ASH1L: variants seen among roughly 807,000 people sequenced by gnomAD.
The protein encoded by ASH1L is ASH1 like histone lysine methyltransferase.
A neutral mutation model predicts 269.0 loss-of-function variants in ASH1L; 23 were observed. That is an observed-to-expected ratio of 0.09 (90% CI 0.06 to 0.12). The LOEUF (loss-of-function observed/expected upper bound fraction) is 0.12, where lower values mean the gene tolerates loss of function less well. Ranked by LOEUF, ASH1L falls within the 10% of genes least tolerant of loss-of-function variation. The pLI is 1.00. For synonymous variants in ASH1L, 1,187 were observed against 1,253.5 expected, an observed-to-expected ratio of 0.95 and a Z score of 1.12; for missense variants, 2,912 against 3,567.8, an observed-to-expected ratio of 0.82 and a Z score of 4.68.
At chr1:155,511,740 G>A (rs943277338) in intron 2 of ASH1L, among the ~76,000 whole-genome samples, 6 of 152,154 alleles carry the variant, frequency 3.9e-5, no homozygotes, top group South Asian at 2.1e-4. Flanking sequence ...TCTTGACCTT[G>A]TGATCCACCC....
At chr1:155,346,344 C>T (rs902482451) in intron 21 of ASH1L, 39 bp downstream of exon 21, 7 of 1,600,886 alleles carry the variant, frequency 4.4e-6, no homozygotes, top group Non-Finnish European at 6.0e-6. Context: ...GCTACCTCTC[C>T]TACTTATAGA....
At chr1:155,411,172 C>T (rs1659729893) in intron 6 of ASH1L, among the ~76,000 whole-genome samples, 1 of 152,064 alleles carries the variant, frequency 6.6e-6, no homozygotes, top group Non-Finnish European at 1.5e-5. Flanking sequence ...GAAACTGAAA[C>T]TGCTCTAAAC....
chr1:155,375,667 G>A (rs1193733389), intron 10 of ASH1L, among the ~76,000 whole-genome samples: 1 of 152,070 alleles, frequency 6.6e-6, no homozygotes, highest in African/African-American at 2.4e-5. Flanking sequence ...GCAGGTGCCT[G>A]TAAATCCCAG....
chr1:155,424,778 G>A (rs1475118495), intron 5 of ASH1L, among the ~76,000 whole-genome samples: 5 of 152,124 alleles, frequency 3.3e-5, no homozygotes, highest in South Asian at 2.1e-4. Flanking sequence ...ATGGCGTCAT[G>A]TATAGTTTGT....
At chr1:155,398,984 T>C (rs1316284234) in intron 6 of ASH1L, among the ~76,000 whole-genome samples, 1 of 152,158 alleles carries the variant, frequency 6.6e-6, no homozygotes, top group East Asian at 1.9e-4. Context: ...TTGCCTGCCC[T>C]GGCCTCCCAA....
At chr1:155,401,934 CA>C (rs1228063723) in intron 6 of ASH1L, among the ~76,000 whole-genome samples, 1 of 151,998 alleles carries the variant, frequency 6.6e-6, no homozygotes, top group Non-Finnish European at 1.5e-5. Flanking sequence ...ACTAAAGATA[CA>C]AAAAATTAGC....
At chr1:155,524,252 G>A (rs1669079127) in intron 1 of ASH1L, among the ~76,000 whole-genome samples, 1 of 152,140 alleles carries the variant, frequency 6.6e-6, no homozygotes, top group South Asian at 2.1e-4. Flanking sequence ...GCTGAGCATG[G>A]TGGCTCATGC....
At chr1:155,516,744 G>A (rs1366988936) in intron 2 of ASH1L, among the ~76,000 whole-genome samples, 3 of 151,918 alleles carry the variant, frequency 2.0e-5, no homozygotes, top group Admixed American at 1.3e-4. Flanking sequence ...AGCATGGGCA[G>A]CAAGACCCTG....
intron 4 of ASH1L, among the ~76,000 whole-genome samples, chr1:155,441,303 C>G (rs1316581974): frequency 2.0e-5 from 3 of 151,626 alleles, no homozygotes; most frequent in Non-Finnish European, 2.9e-5. Context: ...CTCCACCCCC[C>G]ACTCCCACCC....
At chr1:155,439,846 T>G (rs1356982351) in intron 4 of ASH1L, among the ~76,000 whole-genome samples, 1 of 151,832 alleles carries the variant, frequency 6.6e-6, no homozygotes, top group Non-Finnish European at 1.5e-5. Flanking sequence ...GATATTCCTT[T>G]ATTAGCCTCA....
intron 12 of ASH1L, among the ~76,000 whole-genome samples, chr1:155,366,008 G>C (rs1346779090): frequency 6.6e-6 from 1 of 152,164 alleles, no homozygotes; most frequent in East Asian, 1.9e-4. Flanking sequence ...TTAAACCAGA[G>C]CGACTCCATC....
intron 5 of ASH1L, among the ~76,000 whole-genome samples, chr1:155,431,575 A>C (rs1226555171): frequency 6.6e-6 from 1 of 151,984 alleles, no homozygotes; most frequent in Non-Finnish European, 1.5e-5. Flanking sequence ...AGCCTGGGTA[A>C]CATAGTGAGA....
At chr1:155,379,541 C>T (rs147337979) in intron 8 of ASH1L, among the ~76,000 whole-genome samples, 273 of 152,244 alleles carry the variant, frequency 1.8e-3, no homozygotes, top group African/African-American at 6.2e-3. Context: ...AGAAAAAACA[C>T]GGCATCTTCC....
intron 1 of ASH1L, among the ~76,000 whole-genome samples, chr1:155,531,131 C>G (rs1030354414): frequency 5.3e-5 from 8 of 151,498 alleles, no homozygotes; most frequent in Admixed American, 5.3e-4. Context: ...GCACTCCAGT[C>G]TGGGCAATAA....
At chr1:155,532,385 T>A (rs1669726574) in intron 1 of ASH1L, among the ~76,000 whole-genome samples, 1 of 152,196 alleles carries the variant, frequency 6.6e-6, no homozygotes, top group Non-Finnish European at 1.5e-5. Context: ...TCTAACAATA[T>A]GTTAAAAACT....
intron 2 of ASH1L, among the ~76,000 whole-genome samples, chr1:155,514,143 G>A (rs554813709): frequency 5.9e-4 from 90 of 152,314 alleles, no homozygotes; most frequent in Middle Eastern, 3.4e-3. Flanking sequence ...GGGGCTGCAG[G>A]AGGGAGAATG....
chr1:155,412,292 C>T (rs1659874723), intron 6 of ASH1L, among the ~76,000 whole-genome samples: 1 of 151,854 alleles, frequency 6.6e-6, no homozygotes, highest in Admixed American at 6.6e-5. Context: ...GCCTGTAATC[C>T]CAGCTACTCT....
At chr1:155,472,297 T>TAA (rs1462362507) in intron 3 of ASH1L, among the ~76,000 whole-genome samples, 1 of 152,020 alleles carries the variant, frequency 6.6e-6, no homozygotes, top group South Asian at 2.1e-4. Flanking sequence ...CTCAAATAAA[T>TAA]AAAGAAGGAA....
At chr1:155,360,138 C>T (rs949730111) in intron 13 of ASH1L, among the ~76,000 whole-genome samples, 163 bp downstream of exon 13, 4 of 152,104 alleles carry the variant, frequency 2.6e-5, no homozygotes, top group Non-Finnish European at 1.5e-5. Flanking sequence ...GATCTGCCCA[C>T]ATCAGCCTCA....
Sources: gnomAD v4.1 joint callset for allele counts (sites outside exome capture counted in the v4.1 genomes callset) on GRCh38, gnomAD v4.1.1 for gene constraint, MANE v1.5 for transcripts, NCBI Gene and HGNC (gene_info 2026-07-23, HGNC 2026-07-21) for gene names.